RNF128: variants seen among roughly 807,000 people sequenced by gnomAD.
RNF128 encodes E3 ubiquitin-protein ligase RNF128.
In RNF128, 13 loss-of-function variants were observed where a neutral mutation model predicts 26.2. The ratio of observed to expected loss-of-function variants is 0.50; its 90% confidence interval spans 0.32 to 0.79. The LOEUF (loss-of-function observed/expected upper bound fraction) is 0.79, where lower values mean the gene tolerates loss of function less well. RNF128 is among the 30% of genes least tolerant of loss of function. The pLI, the probability that RNF128 is intolerant of heterozygous loss-of-function variation, is 0.03. For missense variants in RNF128, 315 were observed against 349.7 expected (o/e 0.90, Z 0.79); for synonymous variants, 149 against 142.5 (o/e 1.05, Z -0.32).
chrX:106,780,253 G>A (rs1266500894), intron 2 of RNF128, among the ~76,000 whole-genome samples: 2 of 111,579 alleles, frequency 1.8e-5, no homozygotes, highest in Non-Finnish European at 3.8e-5. Flanking sequence ...AGACACCAGT[G>A]AACTAGGTAG....
At chrX:106,711,288 T>C (rs1335321113) in intron 1 of RNF128, among the ~76,000 whole-genome samples, 1 of 111,901 alleles carries the variant, frequency 8.9e-6, no homozygotes. Flanking sequence ...AGATATCCTC[T>C]TGTGGATGGT....
chrX:106,711,820 T>A (rs1929132990), intron 1 of RNF128, among the ~76,000 whole-genome samples: 1 of 112,041 alleles, frequency 8.9e-6, no homozygotes, highest in Admixed American at 9.5e-5. Flanking sequence ...ATATGGCAAC[T>A]GCTTCAATTA....
chrX:106,760,888 C>T (rs1369074007), intron 1 of RNF128, among the ~76,000 whole-genome samples: 4 of 111,595 alleles, frequency 3.6e-5, no homozygotes, highest in African/African-American at 1.3e-4. Flanking sequence ...GCAATTGCAA[C>T]AAAAGCAAAA....
chrX:106,774,194 A>T (rs1930425565), intron 2 of RNF128, among the ~76,000 whole-genome samples: 1 of 110,667 alleles, frequency 9.0e-6, no homozygotes, highest in South Asian at 3.8e-4. Flanking sequence ...TTTCTCCAAC[A>T]CCTCCTCCAA....
rs764022203 is a variant in RNF128 at position 106,727,715 on chromosome X, G to A, written c.484+318G>A. Among the ~76,000 whole-genome samples, 67 of 111,571 alleles carry A rather than the reference G, an allele frequency of 6.0e-4. 1 individual carries two copies. The highest frequency in any genetic ancestry group is 7.7e-4 in the South Asian group (2 of 2,605). ...AAGGGTGTCTAGCCTTGGATTAAGT[G>A]GTGGTGGGCATCGGGTCTTAAATGA... is the stretch of plus-strand genomic sequence containing the variant. On this transcript the variant is annotated intron_variant, in intron 1 of 6. Transcript: ENST00000255499.
intron 1 of RNF128, among the ~76,000 whole-genome samples, chrX:106,753,865 A>G (rs1024417389): frequency 6.2e-5 from 7 of 112,497 alleles, no homozygotes; most frequent in Admixed American, 1.9e-4. Context: ...GAAGGTCATT[A>G]TATAATGATA....
In RNF128 at chrX:106,790,141, T is replaced by C. The variant is rs1468274326; in HGVS notation, c.888-45T>C. On this transcript the variant is annotated intron_variant, in intron 4 of 6. Transcript: ENST00000255499. ...ATCTGTTAATATATATTAGGTAAAG[T>C]GTTGCTACTTTACAACTGATAATTA... 3 of 821,956 alleles carry C rather than the reference T, an allele frequency of 3.6e-6. No homozygotes were observed. In the Admixed American group the frequency reaches 6.8e-5, roughly 19 times the overall value. The allele number at this position is 821,956 out of a possible 1,213,427, so 67.7% of individuals were successfully genotyped here.
At chrX:106,736,586 C>T (rs1929601360) in intron 1 of RNF128, among the ~76,000 whole-genome samples, 1 of 111,059 alleles carries the variant, frequency 9.0e-6, no homozygotes, top group Non-Finnish European at 1.9e-5. Flanking sequence ...TGAAGGTGTC[C>T]ATAACTTACT....
chrX:106,770,507 A>G (rs749980305), intron 1 of RNF128, among the ~76,000 whole-genome samples: 2 of 110,777 alleles, frequency 1.8e-5, no homozygotes, highest in South Asian at 3.9e-4. Context: ...TTGATCTTCA[A>G]TCACTGATAC....
chrX:106,740,767 G>A (rs1337062456), intron 1 of RNF128, among the ~76,000 whole-genome samples: 2 of 110,861 alleles, frequency 1.8e-5, no homozygotes, highest in Non-Finnish European at 3.8e-5. Flanking sequence ...AAGGAACACC[G>A]TAATTTCTAA....
chrX:106,707,607 G>A (rs916575758), intron 1 of RNF128, among the ~76,000 whole-genome samples: 1 of 110,410 alleles, frequency 9.1e-6, no homozygotes, highest in Admixed American at 9.7e-5. Context: ...CTTTACTTTT[G>A]TGTCTTGGAG....
chrX:106,720,687 G>T (rs1929295239), intron 1 of RNF128, among the ~76,000 whole-genome samples: 1 of 111,211 alleles, frequency 9.0e-6, no homozygotes, highest in Non-Finnish European at 1.9e-5. Context: ...ATGGAATTTG[G>T]AGTCATACAT....
intron 1 of RNF128, among the ~76,000 whole-genome samples, chrX:106,748,667 C>A (rs758523157): frequency 9.0e-6 from 1 of 111,360 alleles, no homozygotes; most frequent in East Asian, 2.8e-4. Flanking sequence ...ATAAGCAAGG[C>A]ACAGAAAGAC....
intron 2 of RNF128, among the ~76,000 whole-genome samples, chrX:106,778,544 A>G (rs778919147): frequency 3.6e-5 from 4 of 111,993 alleles, no homozygotes; most frequent in Non-Finnish European, 7.5e-5. Context: ...AAAATGGACC[A>G]TGTTGTACCA....
chrX:106,752,329 C>T (rs1282357553), intron 1 of RNF128, among the ~76,000 whole-genome samples: 4 of 112,470 alleles, frequency 3.6e-5, no homozygotes, highest in Non-Finnish European at 7.5e-5. Flanking sequence ...CCTCCAACTC[C>T]AGGCAGCACA....
chrX:106,760,360 A>G (rs1930097514), intron 1 of RNF128, among the ~76,000 whole-genome samples: 1 of 111,751 alleles, frequency 8.9e-6, no homozygotes, highest in African/African-American at 3.2e-5. Flanking sequence ...AAGCATACAA[A>G]TAGCCAACAG....
intron 1 of RNF128, among the ~76,000 whole-genome samples, chrX:106,752,309 C>T (rs1929907784): frequency 8.9e-6 from 1 of 112,515 alleles, no homozygotes; most frequent in African/African-American, 3.2e-5. Context: ...GGGGTGCTTG[C>T]ATCACCTCTC....
upstream of RNF128, chrX:106,726,567 T>G: frequency 1.4e-6 from 1 of 701,938 alleles, no homozygotes; most frequent in Non-Finnish European, 1.7e-6. Flanking sequence ...CAGATCCTAT[T>G]CTAACATCGA....
At chrX:106,774,878 G>A (rs927660846) in intron 2 of RNF128, among the ~76,000 whole-genome samples, 5 of 112,083 alleles carry the variant, frequency 4.5e-5, no homozygotes, top group South Asian at 7.3e-4. Context: ...AAGTGAAAAG[G>A]AACTCAATTT....
Sources: allele counts gnomAD v4.1 joint callset (sites outside exome capture counted in the v4.1 genomes callset), GRCh38; gene constraint gnomAD v4.1.1; transcripts MANE v1.5; gene names NCBI Gene and HGNC (gene_info 2026-07-23, HGNC 2026-07-21).